The following MAGI1 variants were observed in gnomAD, a reference collection of about 807,000 sequenced individuals.
MAGI1 encodes the protein membrane associated guanylate kinase, WW and PDZ domain containing 1, also known as membrane-associated guanylate kinase, WW and PDZ domain-containing protein 1.
Under a neutral mutation model 139.9 loss-of-function variants are expected in MAGI1, and 58 were observed. The observed-to-expected ratio is 0.41, with a 90% CI of 0.34 to 0.52. The LOEUF (loss-of-function observed/expected upper bound fraction) is 0.52, where lower values mean the gene tolerates loss of function less well. Ranked by LOEUF, MAGI1 falls within the 20% of genes least tolerant of loss-of-function variation. MAGI1 has a pLI of 0.12. For missense variants in MAGI1, 1,874 were observed against 1,901.6 expected (o/e 0.99, Z 0.27); for synonymous variants, 812 against 737.9 (o/e 1.10, Z -1.63).
intron 21 of MAGI1, among the ~76,000 whole-genome samples, chr3:65,362,140 C>T (rs979614233): frequency 6.6e-6 from 1 of 152,158 alleles, no homozygotes; most frequent in African/African-American, 2.4e-5. Context: ...GATTTGCTCC[C>T]AGTACTTTAA....
intron 1 of MAGI1, among the ~76,000 whole-genome samples, chr3:65,729,988 G>A (rs190031101): frequency 1.7e-3 from 252 of 152,276 alleles, no homozygotes; most frequent in Non-Finnish European, 3.1e-3. Context: ...GGGGCCTCAT[G>A]TTCAATTAGA....
chr3:65,845,927 T>G (rs2108363233), intron 1 of MAGI1, among the ~76,000 whole-genome samples: 1 of 152,364 alleles, frequency 6.6e-6, no homozygotes, highest in African/African-American at 2.4e-5. Flanking sequence ...GCCTATCAGA[T>G]TCTTTTGTCC....
chr3:65,952,800 C>A (rs565217341), intron 1 of MAGI1, among the ~76,000 whole-genome samples: 10 of 152,148 alleles, frequency 6.6e-5, no homozygotes, highest in Non-Finnish European at 1.2e-4. Flanking sequence ...GGCGACAGAG[C>A]GAGACTTCAT....
At chr3:65,986,509 G>C (rs1200651576) in intron 1 of MAGI1, among the ~76,000 whole-genome samples, 1 of 152,158 alleles carries the variant, frequency 6.6e-6, no homozygotes, top group South Asian at 2.1e-4. Context: ...CTCTTGCCTT[G>C]ATGTTCCCCA....
chr3:66,021,806 A>G (rs2067976294), intron 1 of MAGI1, among the ~76,000 whole-genome samples: 1 of 152,182 alleles, frequency 6.6e-6, no homozygotes, highest in Non-Finnish European at 1.5e-5. Flanking sequence ...GACATGAGTC[A>G]GAATCACTAA....
intron 1 of MAGI1, among the ~76,000 whole-genome samples, chr3:65,940,609 T>A (rs1379634774): frequency 1.3e-5 from 2 of 152,228 alleles, no homozygotes; most frequent in Non-Finnish European, 2.9e-5. Context: ...GGTTATGATT[T>A]CAACATATAA....
At chr3:65,568,707 T>C (rs868276685) in intron 2 of MAGI1, among the ~76,000 whole-genome samples, 1 of 152,220 alleles carries the variant, frequency 6.6e-6, no homozygotes, top group Non-Finnish European at 1.5e-5. Context: ...AAGTTTGCTC[T>C]AGGGCTTGAG....
At chr3:65,933,224 C>A (rs572558418) in intron 1 of MAGI1, among the ~76,000 whole-genome samples, 1 of 152,270 alleles carries the variant, frequency 6.6e-6, no homozygotes, top group East Asian at 1.9e-4. Context: ...AAACAATAAG[C>A]ATTTATTATC....
At chr3:65,751,771 C>G (rs2036172978) in intron 1 of MAGI1, among the ~76,000 whole-genome samples, 1 of 152,128 alleles carries the variant, frequency 6.6e-6, no homozygotes, top group African/African-American at 2.4e-5. Flanking sequence ...TATATTAAAA[C>G]TCTACATTCA....
At chr3:65,521,516 G>T (rs2078157088) in intron 2 of MAGI1, among the ~76,000 whole-genome samples, 1 of 152,142 alleles carries the variant, frequency 6.6e-6, no homozygotes, top group Non-Finnish European at 1.5e-5. Flanking sequence ...ATGAAATATA[G>T]ATTTCAGGGA....
At chr3:65,479,965 A>T (rs151138802) in intron 3 of MAGI1, among the ~76,000 whole-genome samples, 1 of 152,144 alleles carries the variant, frequency 6.6e-6, no homozygotes, top group Non-Finnish European at 1.5e-5. Context: ...CATCTTTTAG[A>T]GTAAGGCCAG....
intron 1 of MAGI1, among the ~76,000 whole-genome samples, chr3:65,625,444 T>C (rs2083920490): frequency 6.6e-6 from 1 of 152,178 alleles, no homozygotes; most frequent in South Asian, 2.1e-4. Flanking sequence ...TGCCTACTTC[T>C]GAATCCTGGC....
At chr3:65,976,537 A>G (rs977942641) in intron 1 of MAGI1, among the ~76,000 whole-genome samples, 4 of 152,174 alleles carry the variant, frequency 2.6e-5, no homozygotes, top group African/African-American at 9.7e-5. Flanking sequence ...AGGCTGCAAC[A>G]CGAGAATCAC....
At chr3:65,695,738 T>A (rs1293071525) in intron 1 of MAGI1, among the ~76,000 whole-genome samples, 2 of 152,138 alleles carry the variant, frequency 1.3e-5, no homozygotes, top group African/African-American at 4.8e-5. Context: ...TAAAAAGACT[T>A]CATTTGCTGT....
At chr3:65,664,412 C>T (rs1274156476) in intron 1 of MAGI1, among the ~76,000 whole-genome samples, 1 of 152,156 alleles carries the variant, frequency 6.6e-6, no homozygotes, top group Non-Finnish European at 1.5e-5. Context: ...ATCATAATCT[C>T]ATTTAATGCT....
intron 1 of MAGI1, among the ~76,000 whole-genome samples, chr3:65,649,300 T>C (rs2085450342): frequency 6.6e-6 from 1 of 152,168 alleles, no homozygotes; most frequent in African/African-American, 2.4e-5. Context: ...GAGGGTTGCC[T>C]GAGCCCGGGA....
At chr3:65,590,235 T>C (rs1020626687) in intron 2 of MAGI1, among the ~76,000 whole-genome samples, 3 of 152,172 alleles carry the variant, frequency 2.0e-5, no homozygotes, top group African/African-American at 7.2e-5. Context: ...TGGGATGTCA[T>C]TGGCCATGTA....
At chr3:65,371,403 C>A (rs12493305) in intron 18 of MAGI1, among the ~76,000 whole-genome samples, 7,131 of 152,264 alleles carry the variant, frequency 0.047, 257 homozygotes, top group South Asian at 0.17. Context: ...ACACTACATA[C>A]CTTAATTTTA....
At chr3:65,524,997 T>G (rs889721719) in intron 2 of MAGI1, among the ~76,000 whole-genome samples, 1 of 152,168 alleles carries the variant, frequency 6.6e-6, no homozygotes, top group South Asian at 2.1e-4. Flanking sequence ...GAAACAATTA[T>G]TTCACCATCG....
Sources: allele counts gnomAD v4.1 joint callset (sites outside exome capture counted in the v4.1 genomes callset), GRCh38; gene constraint gnomAD v4.1.1; transcripts MANE v1.5; gene names NCBI Gene and HGNC (gene_info 2026-07-23, HGNC 2026-07-21).